The following USP25 variants were observed in gnomAD, a reference collection of about 807,000 sequenced individuals.
USP25 encodes the protein ubiquitin carboxyl-terminal hydrolase 25.
In USP25, 85 loss-of-function variants were observed where a neutral mutation model predicts 158.5. The observed-to-expected ratio is 0.54, with a 90% CI of 0.45 to 0.64. USP25 has a LOEUF of 0.64. Ranked by LOEUF, USP25 falls within the 30% of genes least tolerant of loss-of-function variation. The pLI, the probability that USP25 is intolerant of heterozygous loss-of-function variation, is 0.00. For synonymous variants in USP25, 464 were observed against 460.4 expected, an observed-to-expected ratio of 1.01 and a Z score of -0.10; for missense variants, 1,242 against 1,327.3, an observed-to-expected ratio of 0.94 and a Z score of 1.00.
chr21:15,817,571 A>G (rs1203265336), intron 9 of USP25, among the ~76,000 whole-genome samples: 2 of 152,180 alleles, frequency 1.3e-5, no homozygotes, highest in Non-Finnish European at 2.9e-5. Flanking sequence ...TGCAAAAGAA[A>G]GAGGTTTAAT....
intron 14 of USP25, among the ~76,000 whole-genome samples, chr21:15,829,203 G>C (rs1282151576): frequency 1.3e-5 from 2 of 152,012 alleles, no homozygotes; most frequent in Non-Finnish European, 2.9e-5. Context: ...GTGCAGGTTT[G>C]CTATAAAGGT....
At chr21:15,865,620 CAGT>C (rs1414317939) in intron 21 of USP25, among the ~76,000 whole-genome samples, 1 of 152,124 alleles carries the variant, frequency 6.6e-6, no homozygotes, top group Non-Finnish European at 1.5e-5. Flanking sequence ...TCTGTGCTAT[CAGT>C]GTACTGAGTT....
At chr21:15,847,851 A>T in intron 19 of USP25, 75 bp downstream of exon 19, 1 of 904,524 alleles carries the variant, frequency 1.1e-6, no homozygotes, top group Non-Finnish European at 1.7e-6. Context: ...GCATGCCTGC[A>T]CCCTCATACT....
At chr21:15,756,886 A>G (rs1405467446) in intron 1 of USP25, among the ~76,000 whole-genome samples, 1 of 152,152 alleles carries the variant, frequency 6.6e-6, no homozygotes, top group African/African-American at 2.4e-5. Flanking sequence ...GAGAAAAAAA[A>G]TCCATACAAG....
intron 17 of USP25, among the ~76,000 whole-genome samples, chr21:15,836,866 C>T (rs2038088280): frequency 7.0e-6 from 1 of 142,618 alleles, no homozygotes; most frequent in Admixed American, 7.0e-5. Flanking sequence ...GGGGAGCAAA[C>T]TTACCTGAAT....
At position 15,753,805 on chromosome 21, in the gene USP25, T is replaced by C. The variant is rs558628670; in HGVS notation, c.46-9086T>C. Among the ~76,000 whole-genome samples, 12 of 152,230 alleles carry C rather than the reference T, an allele frequency of 7.9e-5. No individual in the cohort carries two copies. The South Asian group carries it at 2.5e-3, about 32-fold the overall frequency. On this transcript the variant is annotated intron_variant, in intron 1 of 25. Transcript: ENST00000400183. ...TTAACAGGAGAAAACCCATTTTAAT[T>C]ACATAGGTACTTACAGGAGTCCCAC...
intron 17 of USP25, among the ~76,000 whole-genome samples, chr21:15,839,914 CT>C (rs2038249083): frequency 6.6e-6 from 1 of 152,014 alleles, no homozygotes; most frequent in African/African-American, 2.4e-5. Flanking sequence ...TTTTCATATT[CT>C]TTAAGATCTT....
chr21:15,861,144 T>G (rs1257915391), intron 20 of USP25, among the ~76,000 whole-genome samples: 2 of 152,240 alleles, frequency 1.3e-5, no homozygotes, highest in East Asian at 3.9e-4. Flanking sequence ...AAACTAATTT[T>G]GCTGATGGGT....
rs377178345 is a variant in USP25 at position 15,824,972 on chromosome 21, G to T, written c.1215G>T (p.Met405Ile). Residue 405 changes from methionine to isoleucine, a missense_variant, in exon 12 of 26, where the codon ATG becomes ATT. Transcript: ENST00000400183. ...GATTACCTTTTTCTGATAGATACAT[G>T]CACAGAAACAGAGAAATAACAAGAA... ...FPQVLYLDRYMHRNREITRIK... is the reference protein window; with the variant it reads ...FPQVLYLDRYIHRNREITRIK... 7.6e-5 allele frequency: 122 copies of T among 1,606,594 alleles called. No individual in the cohort carries two copies. The highest frequency in any genetic ancestry group is 1.0e-4 in the Non-Finnish European group (118 of 1,174,944).
intron 23 of USP25, among the ~76,000 whole-genome samples, chr21:15,873,319 C>A (rs2039969696): frequency 6.6e-6 from 1 of 151,150 alleles, no homozygotes; most frequent in Admixed American, 6.6e-5. Flanking sequence ...GGGGTGTCAA[C>A]TATGTTGGCC....
At chr21:15,865,464 A>G (rs2039615716) in intron 21 of USP25, among the ~76,000 whole-genome samples, 1 of 152,164 alleles carries the variant, frequency 6.6e-6, no homozygotes, top group Non-Finnish European at 1.5e-5. Context: ...ATACAAATAA[A>G]TAGTTGTGAA....
At position 15,864,287 on chromosome 21, in the gene USP25, C is replaced by A; in HGVS notation, c.2567C>A (p.Ala856Glu). 1 of 1,605,942 alleles carries A rather than the reference C, an allele frequency of 6.2e-7. No homozygotes were observed. The highest frequency in any genetic ancestry group is 8.5e-7 in the Non-Finnish European group (1 of 1,177,966). ...TTCCAGGCAATTAAGTTGGAATATG[C>A]AAGGTTGGTTAAGTTGGCCCAAGAA... is the stretch of plus-strand genomic sequence containing the variant. ...GFFKAIKLEYARLVKLAQEDT... is the reference protein window; with the variant it reads ...GFFKAIKLEYERLVKLAQEDT... The change falls in exon 21 of 26, where the codon GCA (alanine) becomes GAA (glutamate). Residue 856 changes from alanine to glutamate, a missense_variant. Transcript: ENST00000400183.
intron 15 of USP25, 22 bp from the exon 16 acceptor site, chr21:15,831,379 C>G (rs1405544115): frequency 6.2e-7 from 1 of 1,608,796 alleles, no homozygotes; most frequent in South Asian, 1.1e-5. Flanking sequence ...TGCAGTTTAA[C>G]TCTTCTTTTT....
chr21:15,758,055 A>G (rs1290541306), intron 1 of USP25, among the ~76,000 whole-genome samples: 2 of 152,190 alleles, frequency 1.3e-5, no homozygotes, highest in African/African-American at 4.8e-5. Context: ...TTCTAAGTTG[A>G]TCTGCATCAA....
Position 15,831,582 on chromosome 21 carries a change from C to A in USP25, c.1946C>A (p.Ala649Glu). 6.2e-7 allele frequency: 1 copy of A among 1,613,930 alleles called. No individual in the cohort carries two copies. The highest frequency in any genetic ancestry group is 8.5e-7 in the Non-Finnish European group (1 of 1,179,906). Residue 649 changes from alanine (A) to glutamate (E), a missense_variant, in exon 16 of 26, where the codon GCA becomes GAA. This residue lies in a region of USP25 where 608 missense variants were observed against 605.2 expected (regional missense o/e 1.00). Transcript: ENST00000400183. Reference protein sequence around the residue: ...DSFGGYRNASAYCLMYINDKA... With the variant: ...DSFGGYRNASEYCLMYINDKA... Reference sequence around the variant, plus strand: ...TTTGGTGGTTATAGAAATGCCAGTGCATACTGTTTAATGTACATAAATGAT... The same window carrying A: ...TTTGGTGGTTATAGAAATGCCAGTGAATACTGTTTAATGTACATAAATGAT...
intron 1 of USP25, among the ~76,000 whole-genome samples, chr21:15,736,168 G>A (rs1265236096): frequency 3.3e-5 from 5 of 151,842 alleles, no homozygotes. Context: ...TGCAATCTCA[G>A]CTCACTGCAA....
rs199597151 is a variant in USP25 at position 15,867,333 on chromosome 21, G to A, written c.2805+989G>A. On this transcript the variant is annotated intron_variant, in intron 22 of 25. Transcript: ENST00000400183. ...GTACTTTAGATTCCCTAAATAATTA[G>A]TGTAATTCACTACACAAACAGGGAA... is the stretch of plus-strand genomic sequence containing the variant. 3.3e-5 allele frequency among the ~76,000 whole-genome samples: 5 copies of A among 151,746 alleles called. No individual in the cohort carries two copies. The East Asian group carries it at 7.7e-4, about 23-fold the overall frequency.
chr21:15,733,447 A>G (rs984922708), intron 1 of USP25, among the ~76,000 whole-genome samples: 17 of 152,102 alleles, frequency 1.1e-4, no homozygotes, highest in African/African-American at 3.4e-4. Context: ...TTGAGAAACA[A>G]TGAGGCTGGG....
chr21:15,766,867 GGA>G lies in USP25; in HGVS notation c.268+731_268+732del, dbSNP rs1299056250. Among the ~76,000 whole-genome samples the G allele has an allele frequency of 6.6e-6, 1 of 151,994 alleles. No homozygotes were observed. Among genetic ancestry groups the G allele is most frequent in the Non-Finnish European group, 1.5e-5 (1 of 67,958 alleles). ...AAAGTTTGATTATTAACATATATTTGGAGAGAATTTCTTATTTTGTTTATAGA... is the reference window on the plus strand; with the variant it reads ...AAAGTTTGATTATTAACATATATTTGGAGAATTTCTTATTTTGTTTATAGA... On this transcript the variant is annotated intron_variant, in intron 3 of 25. Coordinates refer to ENST00000400183, the MANE Select transcript of USP25 (RefSeq NM_001283041.3). The surrounding 1 kb of genome is among the most constrained non-coding windows in gnomAD (Gnocchi z 4.0).
Sources: allele counts gnomAD v4.1 joint callset (sites outside exome capture counted in the v4.1 genomes callset), GRCh38; gene constraint gnomAD v4.1.1; regional missense constraint gnomAD v4.1.1; non-coding constraint Gnocchi (gnomAD v3.1); transcripts MANE v1.5; gene names NCBI Gene and HGNC (gene_info 2026-07-23, HGNC 2026-07-21).